CTIF: variants seen among roughly 807,000 people sequenced by gnomAD.
CTIF encodes the protein CBP80/20-dependent translation initiation factor.
In CTIF, 21 loss-of-function variants were observed where a neutral mutation model predicts 66.0. That is an observed-to-expected ratio of 0.32 (90% CI 0.23 to 0.46). The LOEUF is 0.46. Ranked by LOEUF, CTIF falls within the 20% of genes least tolerant of loss-of-function variation. The probability of loss-of-function intolerance (pLI) is 1.00; values close to 1 mark genes in which losing one functional copy is unlikely to be tolerated. For synonymous variants in CTIF, 345 were observed against 326.4 expected, an observed-to-expected ratio of 1.06 and a Z score of -0.62; for missense variants, 739 against 812.7, an observed-to-expected ratio of 0.91 and a Z score of 1.10.
chr18:48,663,710 C>A (rs2091385863), intron 3 of CTIF, 42 bp from the exon 4 acceptor site: 1 of 1,586,814 alleles, frequency 6.3e-7, no homozygotes, highest in African/African-American at 1.3e-5. Flanking sequence ...AGCATCCTGG[C>A]CGAGCAATTA....
intron 7 of CTIF, among the ~76,000 whole-genome samples, chr18:48,736,156 C>T (rs941913473): frequency 1.3e-5 from 2 of 152,174 alleles, no homozygotes; most frequent in African/African-American, 4.8e-5. Context: ...GAGTCAAGAC[C>T]TGGTCAGTGC....
intron 3 of CTIF, among the ~76,000 whole-genome samples, chr18:48,637,987 G>A (rs557885891): frequency 6.6e-6 from 1 of 152,220 alleles, no homozygotes; most frequent in South Asian, 2.1e-4. Flanking sequence ...CCACGGAGGT[G>A]CCACTTGTCT....
At chr18:48,547,874 C>T (rs534096367) in intron 1 of CTIF, among the ~76,000 whole-genome samples, 69 of 152,266 alleles carry the variant, frequency 4.5e-4, no homozygotes, top group African/African-American at 1.6e-3. Context: ...CGGTGCTTTT[C>T]GGATGATCAT....
chr18:48,578,435 C>T (rs908102072), intron 1 of CTIF, among the ~76,000 whole-genome samples: 10 of 152,212 alleles, frequency 6.6e-5, no homozygotes, highest in South Asian at 2.1e-4. Context: ...ACTTTACAAT[C>T]GCTTTAGCAA....
At chr18:48,738,468 C>T (rs2092523545) in intron 7 of CTIF, among the ~76,000 whole-genome samples, 1 of 152,172 alleles carries the variant, frequency 6.6e-6, no homozygotes, top group South Asian at 2.1e-4. Flanking sequence ...CCTTCACACT[C>T]TGCACTCCCG....
chr18:48,654,946 G>A (rs893322420), intron 3 of CTIF, among the ~76,000 whole-genome samples: 4 of 151,958 alleles, frequency 2.6e-5, no homozygotes, highest in East Asian at 3.9e-4. Context: ...GACACAGGGC[G>A]GGGAACATCA....
intron 9 of CTIF, among the ~76,000 whole-genome samples, chr18:48,768,779 A>G (rs1909826480): frequency 1.3e-5 from 2 of 151,966 alleles, no homozygotes; most frequent in African/African-American, 4.8e-5. Flanking sequence ...CAGCATTGCT[A>G]CTGAAGCCCC....
intron 9 of CTIF, among the ~76,000 whole-genome samples, chr18:48,776,979 T>C (rs545837317): frequency 1.3e-5 from 2 of 152,284 alleles, no homozygotes; most frequent in South Asian, 4.1e-4. Context: ...CCATAAAACA[T>C]GGAGAGGTTA....
chr18:48,789,247 G>A (rs2067740933), intron 9 of CTIF, among the ~76,000 whole-genome samples: 1 of 152,166 alleles, frequency 6.6e-6, no homozygotes, highest in Admixed American at 6.5e-5. Flanking sequence ...AATAAGGGCT[G>A]GGTTCACATC....
intron 6 of CTIF, among the ~76,000 whole-genome samples, chr18:48,699,854 G>A (rs1048551130): frequency 1.3e-5 from 2 of 152,222 alleles, no homozygotes; most frequent in African/African-American, 4.8e-5. Context: ...TGCGGTAAGT[G>A]GCAGTGACAG....
At chr18:48,675,774 A>G (rs2091618745) in intron 6 of CTIF, among the ~76,000 whole-genome samples, 1 of 152,140 alleles carries the variant, frequency 6.6e-6, no homozygotes, top group African/African-American at 2.4e-5. Flanking sequence ...CTGCAGGGGA[A>G]CACCCACTGG....
intron 5 of CTIF, among the ~76,000 whole-genome samples, chr18:48,669,839 A>ATATATATATG (rs2091499201): frequency 8.1e-6 from 1 of 122,884 alleles, no homozygotes; most frequent in Non-Finnish European, 1.7e-5. Flanking sequence ...ATATATATAT[A>ATATATATATG]TAAGCTAGAC....
chr18:48,612,176 G>A (rs1459282775), intron 1 of CTIF, among the ~76,000 whole-genome samples: 1 of 152,236 alleles, frequency 6.6e-6, no homozygotes, highest in African/African-American at 2.4e-5. Context: ...AGAGCTTGAG[G>A]GCCGCAGACT....
intron 6 of CTIF, among the ~76,000 whole-genome samples, chr18:48,672,741 A>T (rs1421547985): frequency 3.3e-5 from 5 of 152,000 alleles, no homozygotes; most frequent in African/African-American, 1.2e-4. Flanking sequence ...GGGCATAAAG[A>T]TCCTACCAGC....
At chr18:48,546,701 G>A (rs1040359656) in intron 1 of CTIF, among the ~76,000 whole-genome samples, 2 of 152,080 alleles carry the variant, frequency 1.3e-5, no homozygotes, top group Non-Finnish European at 2.9e-5. Flanking sequence ...CATCTCCTCC[G>A]AGACTAGAGA....
At chr18:48,655,619 C>A (rs1417460839) in intron 3 of CTIF, among the ~76,000 whole-genome samples, 3 of 152,134 alleles carry the variant, frequency 2.0e-5, no homozygotes, top group Non-Finnish European at 4.4e-5. Context: ...AGAGCTGGGT[C>A]CTGCACAGCC....
chr18:48,729,498 G>A (rs1265510733), intron 7 of CTIF, among the ~76,000 whole-genome samples: 2 of 152,186 alleles, frequency 1.3e-5, no homozygotes, highest in Non-Finnish European at 1.5e-5. Flanking sequence ...TCTCACAGCA[G>A]CCGCCAGTGG....
chr18:48,817,385 C>A lies in CTIF; in HGVS notation c.1527+9C>A, dbSNP rs769639588. 3.7e-6 allele frequency: 6 copies of A among 1,605,194 alleles called. No homozygotes were observed. The African/African-American group carries it at 5.3e-5, about 14-fold the overall frequency. ...ACACCTGCCTCAGGGAGGTAAGAGA[C>A]CTGCCGCCTGTGCCCCCTGCACAGC... On this transcript the variant is annotated intron_variant, in intron 10 of 11. Transcript: ENST00000256413.
intron 5 of CTIF, among the ~76,000 whole-genome samples, chr18:48,665,469 T>A (rs1390278516): frequency 6.6e-6 from 1 of 152,224 alleles, no homozygotes; most frequent in Non-Finnish European, 1.5e-5. Context: ...TTTATATAAT[T>A]TTTAATGAGG....
Sources: allele counts gnomAD v4.1 joint callset (sites outside exome capture counted in the v4.1 genomes callset), GRCh38; gene constraint gnomAD v4.1.1; transcripts MANE v1.5; gene names NCBI Gene and HGNC (gene_info 2026-07-23, HGNC 2026-07-21).